Variants in ARHGEF9 observed in about 807,000 individuals in gnomAD.
The protein encoded by ARHGEF9 is Cdc42 guanine nucleotide exchange factor 9.
Under a neutral mutation model 41.3 loss-of-function variants are expected in ARHGEF9, and 2 were observed. That is an observed-to-expected ratio of 0.05 (90% confidence interval 0.02 to 0.15). The LOEUF (loss-of-function observed/expected upper bound fraction) is 0.15. Among genes scored for constraint, ARHGEF9 ranks in the 10% least tolerant of loss-of-function variants. ARHGEF9 has a pLI of 1.00. For synonymous variants in ARHGEF9, 160 were observed against 154.4 expected, an observed-to-expected ratio of 1.04 and a Z score of -0.27; for missense variants, 225 against 424.7, an observed-to-expected ratio of 0.53 and a Z score of 4.13.
At chrX:63,762,903 G>T (rs2056057092) in intron 1 of ARHGEF9, among the ~76,000 whole-genome samples, 1 of 111,471 alleles carries the variant, frequency 9.0e-6, no homozygotes, top group Admixed American at 9.5e-5. Flanking sequence ...AGATCTTTGT[G>T]GTGATCTACT....
intron 7 of ARHGEF9, among the ~76,000 whole-genome samples, chrX:63,658,969 T>A: frequency 8.9e-6 from 1 of 111,828 alleles, no homozygotes; most frequent in East Asian, 2.8e-4. Context: ...ACTTACACAT[T>A]CTTATTCCTG....
At chrX:63,651,976 C>T (rs1250367785) in intron 8 of ARHGEF9, among the ~76,000 whole-genome samples, 1 of 110,789 alleles carries the variant, frequency 9.0e-6, no homozygotes, top group Non-Finnish European at 1.9e-5. Context: ...CAAATAGATA[C>T]TATCCAGTGC....
intron 1 of ARHGEF9, among the ~76,000 whole-genome samples, chrX:63,728,062 A>T (rs1556418147): frequency 1.8e-5 from 2 of 111,904 alleles, no homozygotes; most frequent in African/African-American, 6.5e-5. Context: ...AGGTATGTGC[A>T]TGGAGGTGAG....
chrX:63,706,204 A>T, intron 3 of ARHGEF9, 54 bp downstream of exon 3: 1 of 1,142,810 alleles, frequency 8.8e-7, no homozygotes, highest in African/African-American at 1.8e-5. Context: ...GGCAGGGCCC[A>T]GGAGGGTTGC....
At chrX:63,671,657 T>C (rs781869967) in intron 6 of ARHGEF9, among the ~76,000 whole-genome samples, 5 of 112,344 alleles carry the variant, frequency 4.5e-5, no homozygotes, top group Non-Finnish European at 9.4e-5. Flanking sequence ...TCTCTGCTTC[T>C]CTGTCTTTCA....
chrX:63,748,676 T>C (rs1377862866), intron 1 of ARHGEF9, among the ~76,000 whole-genome samples: 1 of 111,314 alleles, frequency 9.0e-6, no homozygotes, highest in Non-Finnish European at 1.9e-5. Context: ...ATTAAAAAAA[T>C]AAATAAATAA....
At chrX:63,771,430 C>A (rs1427875366) in intron 1 of ARHGEF9, among the ~76,000 whole-genome samples, 5 of 111,977 alleles carry the variant, frequency 4.5e-5, no homozygotes, top group African/African-American at 6.5e-5. Flanking sequence ...GCTGAGCCAC[C>A]GTGCTCAGAT....
chrX:63,783,344 G>A (rs2056411979), intron 1 of ARHGEF9, among the ~76,000 whole-genome samples: 1 of 104,662 alleles, frequency 9.6e-6, no homozygotes, highest in Non-Finnish European at 1.9e-5. Flanking sequence ...GCACAATCTC[G>A]GCTCACCGCA....
At chrX:63,758,506 A>T (rs1376799486) in intron 1 of ARHGEF9, among the ~76,000 whole-genome samples, 1 of 112,975 alleles carries the variant, frequency 8.9e-6, no homozygotes, top group Non-Finnish European at 1.9e-5. Flanking sequence ...GTAGTGTGGC[A>T]TAAAATGTCC....
chrX:63,708,976 T>G (rs1301902411), intron 2 of ARHGEF9, among the ~76,000 whole-genome samples: 2 of 111,985 alleles, frequency 1.8e-5, no homozygotes, highest in Non-Finnish European at 3.8e-5. Context: ...CCTCTGCTCT[T>G]GAGAGCTTAT....
chrX:63,773,013 T>G (rs2147817021), intron 1 of ARHGEF9, among the ~76,000 whole-genome samples: 1 of 111,804 alleles, frequency 8.9e-6, no homozygotes, highest in East Asian at 2.8e-4. Context: ...TTCTCTGGTG[T>G]GCTAGGATGA....
At position 63,643,717 on chromosome X, in the gene ARHGEF9, T is replaced by TA. The variant is rs560889265; in HGVS notation, c.1390+262dup. ...TAGTAAAGTTTCCCTTATTTTTAAG[T>TA]AAAAAAAAAAAAAAGAGGAACAGAG... On this transcript the variant is annotated intron_variant, in intron 9 of 9. Transcript: ENST00000671741. Among the ~76,000 whole-genome samples, 505 of 95,782 alleles carry TA rather than the reference T, an allele frequency of 5.3e-3. 4 individuals carry two copies. Among genetic ancestry groups the TA allele is most frequent in the East Asian group, 0.039 (123 of 3,190 alleles). 83.2% of individuals were successfully genotyped at this position (95,782 alleles called of 115,157 possible).
intron 8 of ARHGEF9, among the ~76,000 whole-genome samples, chrX:63,648,657 C>A (rs1180044716): frequency 2.7e-5 from 3 of 111,254 alleles, no homozygotes; most frequent in Admixed American, 9.6e-5. Context: ...CAGACTGGCA[C>A]ATTGGATAAA....
intron 9 of ARHGEF9, among the ~76,000 whole-genome samples, chrX:63,643,110 C>T (rs1178589656): frequency 8.9e-6 from 1 of 111,992 alleles, no homozygotes; most frequent in African/African-American, 3.2e-5. Context: ...GAAGGTAGTT[C>T]CTTCCCTTTG....
In ARHGEF9 at chrX:63,754,032, G is replaced by A. The variant is rs782267343; in HGVS notation, c.31-29321C>T. Among the ~76,000 whole-genome samples, 6 of 111,708 alleles carry A rather than the reference G, an allele frequency of 5.4e-5. No homozygotes were observed. In the South Asian group the frequency reaches 1.9e-3, roughly 35 times the overall value. On this transcript the variant is annotated intron_variant, in intron 1 of 9. Coordinates refer to ENST00000671741, the MANE Select transcript of ARHGEF9 (RefSeq NM_001353921.2). ...AAACAAACCCAAATGCACTCCTGAT[G>A]GCAAGAGAGAAATTTTGACTAAAAT...
At chrX:63,657,077 G>C (rs2048918856) in intron 7 of ARHGEF9, 1 of 111,753 alleles carries the variant, frequency 8.9e-6, no homozygotes, top group East Asian at 2.8e-4. Context: ...TGGGAGATGT[G>C]GTATGGCTGA....
intron 1 of ARHGEF9, among the ~76,000 whole-genome samples, chrX:63,774,255 T>C (rs2056253946): frequency 9.0e-6 from 1 of 111,538 alleles, no homozygotes; most frequent in Admixed American, 9.6e-5. Flanking sequence ...GAGGCAGGAC[T>C]CAAACCCAGG....
chrX:63,692,958 G>A (rs1166620778), intron 4 of ARHGEF9, among the ~76,000 whole-genome samples: 8 of 111,852 alleles, frequency 7.2e-5, no homozygotes, highest in African/African-American at 2.3e-4. Context: ...GCCAGGCACA[G>A]AAAGACAAAT....
At chrX:63,744,618 C>T (rs1251310241) in intron 1 of ARHGEF9, among the ~76,000 whole-genome samples, 5 of 112,077 alleles carry the variant, frequency 4.5e-5, no homozygotes, top group Admixed American at 3.8e-4. Flanking sequence ...ATAATCTCTG[C>T]CCTACCCACT....
Sources: allele counts gnomAD v4.1 joint callset (sites outside exome capture counted in the v4.1 genomes callset), GRCh38; gene constraint gnomAD v4.1.1; transcripts MANE v1.5; gene names NCBI Gene and HGNC (gene_info 2026-07-23, HGNC 2026-07-21).